GABRB3: variants seen among roughly 807,000 people sequenced by gnomAD.
GABRB3 encodes the protein gamma-aminobutyric acid receptor subunit beta-3.
In GABRB3, 14 loss-of-function variants were observed where a neutral mutation model predicts 52.1. The observed-to-expected ratio is 0.27, with a 90% confidence interval of 0.18 to 0.42. GABRB3 has a LOEUF of 0.42. Among genes scored for constraint, GABRB3 ranks in the 10% least tolerant of loss-of-function variants. The pLI is 1.00. For missense variants in GABRB3, 307 were observed against 609.1 expected (o/e 0.50, Z 5.22); for synonymous variants, 260 against 232.3 (o/e 1.12, Z -1.08).
intron 3 of GABRB3, among the ~76,000 whole-genome samples, chr15:26,699,568 C>T (rs751274187): frequency 6.6e-6 from 1 of 151,186 alleles, no homozygotes; most frequent in Non-Finnish European, 1.5e-5. Context: ...AGTCTATTCT[C>T]GATACTCAAA....
intron 3 of GABRB3, among the ~76,000 whole-genome samples, chr15:26,655,501 G>C (rs1887339241): frequency 6.6e-6 from 1 of 152,036 alleles, no homozygotes; most frequent in East Asian, 1.9e-4. Context: ...CCAGCACTTT[G>C]GGAGGCCAAG....
In GABRB3 at chr15:26,545,404, G is replaced by C. The variant is rs888669769; in HGVS notation, c.*2389C>G. On this transcript the variant is annotated 3_prime_UTR_variant, in exon 9 of 9. Transcript: ENST00000311550. ...GACTGCAGCTCTTTGGAGCCCCATG[G>C]GGTCTCTGCCTTTGATATTTGGGTA... The C allele has an allele frequency of 6.6e-6, 1 of 152,548 alleles. No individual in the cohort carries two copies. The highest frequency in any genetic ancestry group is 2.4e-5 in the African/African-American group (1 of 41,410). 9.4% of individuals were successfully genotyped at this position (152,548 alleles called of 1,614,324 possible). A position where few individuals can be genotyped will look rare whatever the true frequency, so the allele number is the denominator to read the frequency against.
At chr15:26,577,638 G>A (rs1176063326) in intron 6 of GABRB3, among the ~76,000 whole-genome samples, 1 of 152,234 alleles carries the variant, frequency 6.6e-6, no homozygotes, top group Non-Finnish European at 1.5e-5. Context: ...TCTGCAGGGG[G>A]AGAAAAACAA....
At chr15:26,753,595 T>G (rs377462894) in intron 3 of GABRB3, among the ~76,000 whole-genome samples, 136 of 152,236 alleles carry the variant, frequency 8.9e-4, no homozygotes, top group Middle Eastern at 6.8e-3. Context: ...GAGGTGGTTG[T>G]AAAAAAGAAC....
At chr15:26,615,353 C>G (rs866729929) in intron 4 of GABRB3, 1 of 985,492 alleles carries the variant, frequency 1.0e-6, no homozygotes, top group Non-Finnish European at 1.2e-6. Flanking sequence ...CCAGAGCATT[C>G]TCTCCCATCA....
intron 6 of GABRB3, among the ~76,000 whole-genome samples, chr15:26,571,824 T>C (rs1890408817): frequency 6.6e-6 from 1 of 151,982 alleles, no homozygotes; most frequent in South Asian, 2.1e-4. Context: ...TCAAGGCAGG[T>C]GAATCGCGAG....
chr15:26,616,603 GAA>G (rs5811433), intron 4 of GABRB3, among the ~76,000 whole-genome samples: 35 of 136,582 alleles, frequency 2.6e-4, no homozygotes, highest in African/African-American at 7.3e-4. Flanking sequence ...TACTACACTT[GAA>G]AAAAAAAAAA....
At chr15:26,624,971 T>G in intron 3 of GABRB3, 8 of 985,400 alleles carry the variant, frequency 8.1e-6, no homozygotes, top group Non-Finnish European at 8.4e-6. Context: ...CTGTGCTACC[T>G]AGAACCTCAT....
chr15:26,601,034 T>C (rs1170420238), intron 4 of GABRB3, among the ~76,000 whole-genome samples: 3 of 152,154 alleles, frequency 2.0e-5, no homozygotes, highest in Non-Finnish European at 4.4e-5. Flanking sequence ...TTGGCTGTTA[T>C]CAGCTTCAAA....
intron 8 of GABRB3, among the ~76,000 whole-genome samples, chr15:26,555,481 G>T (rs1231357997): frequency 1.3e-5 from 2 of 152,170 alleles, no homozygotes; most frequent in Non-Finnish European, 2.9e-5. Context: ...GTGTTTGGGA[G>T]ACGACCTCAC....
chr15:26,580,923 A>G (rs1890765176), intron 5 of GABRB3, among the ~76,000 whole-genome samples: 1 of 152,238 alleles, frequency 6.6e-6, no homozygotes, highest in African/African-American at 2.4e-5. Context: ...ACATGAGGTA[A>G]GCTCAGAGCA....
intron 3 of GABRB3, among the ~76,000 whole-genome samples, chr15:26,654,453 G>A (rs953707679): frequency 6.6e-6 from 1 of 151,260 alleles, no homozygotes; most frequent in African/African-American, 2.4e-5. Flanking sequence ...GCCAACAAAG[G>A]TGCTCTTAAA....
intron 3 of GABRB3, among the ~76,000 whole-genome samples, chr15:26,657,826 G>C (rs1410462722): frequency 3.9e-5 from 6 of 152,092 alleles, no homozygotes; most frequent in Admixed American, 2.0e-4. Flanking sequence ...TCATTCTTGG[G>C]CCCAGCCTAA....
chr15:26,713,813 A>T (rs188534068), intron 3 of GABRB3, among the ~76,000 whole-genome samples: 17 of 152,284 alleles, frequency 1.1e-4, no homozygotes, highest in African/African-American at 4.1e-4. Context: ...CTGCCTCCTT[A>T]CTGCAGGTGT....
chr15:26,578,174 T>C (rs560455779), intron 6 of GABRB3, among the ~76,000 whole-genome samples: 2 of 152,212 alleles, frequency 1.3e-5, no homozygotes, highest in Admixed American at 6.5e-5. Context: ...TTCAGAATAC[T>C]TGTGGAAAGG....
intron 3 of GABRB3, among the ~76,000 whole-genome samples, chr15:26,759,032 C>A (rs1890739038): frequency 6.6e-6 from 1 of 152,128 alleles, no homozygotes; most frequent in Non-Finnish European, 1.5e-5. Context: ...TCTATATAAT[C>A]CTAATCCTGA....
chr15:26,582,908 A>C (rs1420566185), intron 5 of GABRB3, among the ~76,000 whole-genome samples: 2 of 152,218 alleles, frequency 1.3e-5, no homozygotes, highest in African/African-American at 4.8e-5. Context: ...AAGCATCTGA[A>C]TACTACTCAA....
chr15:26,700,225 C>G (rs528957069), intron 3 of GABRB3, among the ~76,000 whole-genome samples: 8 of 152,146 alleles, frequency 5.3e-5, no homozygotes, highest in African/African-American at 1.9e-4. Context: ...CAACTTTATG[C>G]TGATACATTC....
chr15:26,684,355 C>T (rs774140526), intron 3 of GABRB3, among the ~76,000 whole-genome samples: 7 of 152,044 alleles, frequency 4.6e-5, no homozygotes, highest in East Asian at 3.9e-4. Flanking sequence ...CAGCTGAAGG[C>T]GGTCAATCTA....
Sources: gnomAD v4.1 joint callset for allele counts (sites outside exome capture counted in the v4.1 genomes callset) on GRCh38, gnomAD v4.1.1 for gene constraint, MANE v1.5 for transcripts, NCBI Gene and HGNC (gene_info 2026-07-23, HGNC 2026-07-21) for gene names.